The following UNC5A variants were observed in gnomAD, a reference collection of about 807,000 sequenced individuals.
The protein encoded by UNC5A is netrin receptor UNC5A.
Under a neutral mutation model 87.4 loss-of-function variants are expected in UNC5A, and 20 were observed. The observed-to-expected ratio is 0.23, with a 90% CI of 0.16 to 0.33. UNC5A has a LOEUF of 0.33. Among genes scored for constraint, UNC5A ranks in the 10% least tolerant of loss-of-function variants. UNC5A has a pLI of 1.00. For missense variants in UNC5A, 844 were observed against 1,133.4 expected (o/e 0.74, Z 3.67); for synonymous variants, 438 against 482.3 (o/e 0.91, Z 1.20).
At chr5:176,857,401 G>C (rs569406844) in intron 1 of UNC5A, among the ~76,000 whole-genome samples, 1 of 152,148 alleles carries the variant, frequency 6.6e-6, no homozygotes, top group Non-Finnish European at 1.5e-5. Context: ...TTGCCCAGGG[G>C]TCTCTTGCCT....
rs1481035670 is a variant in UNC5A at position 176,875,433 on chromosome 5, T to TG, written c.1378+871dup. Among the ~76,000 whole-genome samples, 1 of 152,012 alleles carries TG rather than the reference T, an allele frequency of 6.6e-6. No homozygotes were observed. On this transcript the variant is annotated intron_variant, in intron 8 of 14. Coordinates refer to ENST00000329542, the MANE Select transcript of UNC5A (RefSeq NM_133369.3). This position sits in a 1 kb window ranked among gnomAD's most constrained non-coding sequence, Gnocchi z 5.2. ...CGTCTAGTTGCTCAAGCCGGAAACT[T>TG]GGGGTCACCTTGACCTGCTGCTCGT... is the stretch of plus-strand genomic sequence containing the variant.
intron 4 of UNC5A, 39 bp from the exon 5 acceptor site, chr5:176,868,745 G>A (rs766592341): frequency 1.3e-6 from 2 of 1,587,518 alleles, no homozygotes; most frequent in Non-Finnish European, 1.7e-6. Context: ...GGCAGGGCCA[G>A]CATGGGCTGG....
chr5:176,836,470 C>T (rs1050698798), intron 1 of UNC5A, among the ~76,000 whole-genome samples: 69 of 152,246 alleles, frequency 4.5e-4, no homozygotes, highest in African/African-American at 3.4e-4. Context: ...CACAGGGGAG[C>T]GACAGCAGCT....
intron 3 of UNC5A, 76 bp downstream of exon 3, chr5:176,868,349 T>C: frequency 6.3e-7 from 1 of 1,591,542 alleles, no homozygotes; most frequent in Non-Finnish European, 8.6e-7. Flanking sequence ...GTAGGCTTCC[T>C]GGAAGAGGCG....
rs377065499 is a variant in UNC5A at position 176,879,405 on chromosome 5, G to A, written c.2280G>A (p.Arg760=). Residue 760 remains arginine (R), a synonymous_variant, in exon 14 of 15, where the codon CGG becomes CGA. Coordinates refer to ENST00000329542, the MANE Select transcript of UNC5A (RefSeq NM_133369.3). ...CCTTCAAGATCCCCTTCCTCATTCG[G>A]CAGAAGATAATTTCCAGCCTGGACC... is the stretch of plus-strand genomic sequence containing the variant. The part of the protein sequence containing the change: ...PSAFKIPFLI[R]QKIISSLDPP... The A allele has an allele frequency of 9.3e-6, 15 of 1,612,822 alleles. No individual in the cohort carries two copies. Among genetic ancestry groups the A allele is most frequent in the Non-Finnish European group, 1.3e-5 (15 of 1,179,912 alleles).
intron 1 of UNC5A, among the ~76,000 whole-genome samples, chr5:176,840,238 A>C (rs1311005986): frequency 6.6e-6 from 1 of 152,114 alleles, no homozygotes. Context: ...TGGGGAGAGC[A>C]GGGGCTTGTA....
At chr5:176,837,828 G>C (rs536010103) in intron 1 of UNC5A, among the ~76,000 whole-genome samples, 5 of 151,430 alleles carry the variant, frequency 3.3e-5, no homozygotes, top group African/African-American at 9.7e-5. Flanking sequence ...GACGTGGCAC[G>C]CTTTCAGCAC....
chr5:176,877,795 AC>A lies in UNC5A; in HGVS notation c.1636-94del, dbSNP rs1361333017. ...CCACCGCTGGGTGGTCCTGAGCCGC[AC>A]CCCCACCCCTCCCCAGTCTCCGGCC... On this transcript the variant is annotated intron_variant, in intron 10 of 14. Coordinates refer to ENST00000329542, the MANE Select transcript of UNC5A (RefSeq NM_133369.3). 4.0e-6 allele frequency: 6 copies of A among 1,510,448 alleles called. No homozygotes were observed. The African/African-American group carries it at 6.9e-5, about 17-fold the overall frequency. The allele number at this position is 1,510,448 out of a possible 1,614,324, so 93.6% of individuals were successfully genotyped here.
rs1409941263 is a variant in UNC5A at position 176,874,074 on chromosome 5, G to T, written c.993G>T (p.Lys331Asn). The change falls in exon 7 of 15, where the codon AAG (lysine) becomes AAT (asparagine). Residue 331 changes from lysine to asparagine, a missense_variant. Around this residue, in one of 3 missense-constraint regions of UNC5A, gnomAD observed 353 missense variants for 387.5 expected, o/e 0.91. Coordinates refer to ENST00000329542, the MANE Select transcript of UNC5A (RefSeq NM_133369.3). This position sits in a 1 kb window ranked among gnomAD's most constrained non-coding sequence, Gnocchi z 7.6. Reference protein sequence around the residue: ...LVLILVYCRKKEGLDSDVADS... With the variant: ...LVLILVYCRKNEGLDSDVADS... ...TCATCCTCGTTTATTGCCGGAAGAA[G>T]GAGGGGCTGGACTCAGATGTGGCTG... 1 of 1,614,100 alleles carries T rather than the reference G, an allele frequency of 6.2e-7. No individual in the cohort carries two copies. Among genetic ancestry groups the T allele is most frequent in the South Asian group, 1.1e-5 (1 of 91,086 alleles).
chr5:176,878,142 T>G lies in UNC5A; in HGVS notation c.1869+15T>G. 6.2e-7 allele frequency: 1 copy of G among 1,604,550 alleles called. No homozygotes were observed. On this transcript the variant is annotated intron_variant, in intron 11 of 14. Transcript: ENST00000329542. Reference sequence around the variant, plus strand: ...ATGCACTCAAGGTATCTCCCGCCCCTCACCCCCCGCCGCTGGGAGGCCGAG... The same window carrying G: ...ATGCACTCAAGGTATCTCCCGCCCCGCACCCCCCGCCGCTGGGAGGCCGAG...
intron 1 of UNC5A, among the ~76,000 whole-genome samples, chr5:176,818,001 C>T (rs868002634): frequency 6.0e-4 from 92 of 152,228 alleles, no homozygotes; most frequent in Middle Eastern, 6.8e-3. Flanking sequence ...TTAACAAGTT[C>T]CTGGCTGAGC....
intron 1 of UNC5A, among the ~76,000 whole-genome samples, chr5:176,812,705 G>C (rs141765970): frequency 6.6e-6 from 1 of 152,166 alleles, no homozygotes; most frequent in African/African-American, 2.4e-5. Context: ...CCAGGGAGTC[G>C]GCAGGTGGGC....
intron 1 of UNC5A, among the ~76,000 whole-genome samples, chr5:176,836,012 G>A (rs1757141866): frequency 6.6e-6 from 1 of 152,216 alleles, no homozygotes; most frequent in Non-Finnish European, 1.5e-5. Context: ...TGTGTATAGT[G>A]AAATCACCAA....
chr5:176,831,285 C>T (rs1421579673), intron 1 of UNC5A, among the ~76,000 whole-genome samples: 1 of 152,164 alleles, frequency 6.6e-6, no homozygotes, highest in Non-Finnish European at 1.5e-5. Flanking sequence ...GGCCAGGGCT[C>T]GATTTATGGG....
At chr5:176,813,914 C>T (rs1347657990) in intron 1 of UNC5A, among the ~76,000 whole-genome samples, 1 of 152,184 alleles carries the variant, frequency 6.6e-6, no homozygotes, top group East Asian at 1.9e-4. Flanking sequence ...CTGTTCTAGG[C>T]CACCCCTCTC....
Position 176,876,879 on chromosome 5 carries a change from T to A in UNC5A, c.1379-313T>A, listed in dbSNP as rs1758273935. Among the ~76,000 whole-genome samples, 3 of 152,202 alleles carry A rather than the reference T, an allele frequency of 2.0e-5. No individual in the cohort carries two copies. In the South Asian group the frequency reaches 6.2e-4, roughly 31 times the overall value. On this transcript the variant is annotated intron_variant, in intron 8 of 14. Coordinates refer to ENST00000329542, the MANE Select transcript of UNC5A (RefSeq NM_133369.3). The stretch of plus-strand genomic sequence containing the variant: ...GGAAGGTTTTAAGCAAGGGATACCC[T>A]GGTCCCCTCCAGTGCCTTTCAGGGG...
chr5:176,864,013 C>A (rs1234647518), intron 2 of UNC5A, among the ~76,000 whole-genome samples: 1 of 151,570 alleles, frequency 6.6e-6, no homozygotes, highest in Non-Finnish European at 1.5e-5. Context: ...AGCACACATA[C>A]CCTGTCGAGG....
chr5:176,878,772 C>T (rs1299863401), intron 13 of UNC5A, 133 bp downstream of exon 13: 1 of 1,215,546 alleles, frequency 8.2e-7, no homozygotes, highest in Non-Finnish European at 1.1e-6. Context: ...CCACCTCCTC[C>T]TAGAAACCCC....
At position 176,878,494 on chromosome 5, in the gene UNC5A, T is replaced by C; in HGVS notation, c.2039T>C (p.Ile680Thr). The C allele has an allele frequency of 6.2e-7, 1 of 1,612,882 alleles. No homozygotes were observed. The highest frequency in any genetic ancestry group is 8.5e-7 in the Non-Finnish European group (1 of 1,179,716). ...CATCAGGAGATCCCCTTTTATCACA[T>C]CTGGAATGGCACGCAGCGGTACTTG... ...VSYQEIPFYH[I>T]WNGTQRYLHC... The change falls in exon 13 of 15, where the codon ATC becomes ACC. Residue 680 changes from isoleucine (I) to threonine (T), a missense_variant. Physicochemically the swap from Ile to Thr is moderately conservative, Grantham distance 89 (BLOSUM62 -1). This residue lies in a region of UNC5A where 177 missense variants were observed against 279.4 expected (regional missense o/e 0.63). Transcript: ENST00000329542.
Sources: gnomAD v4.1 joint callset for allele counts (sites outside exome capture counted in the v4.1 genomes callset) on GRCh38, gnomAD v4.1.1 for gene constraint, gnomAD v4.1.1 regional missense constraint, Gnocchi (gnomAD v3.1) non-coding constraint, MANE v1.5 for transcripts, NCBI Gene and HGNC (gene_info 2026-07-23, HGNC 2026-07-21) for gene names.